The following ABLIM2 variants were observed in gnomAD, a reference collection of about 807,000 sequenced individuals.
The protein encoded by ABLIM2 is actin binding LIM protein family member 2, also known as actin-binding LIM protein 2.
A neutral mutation model predicts 97.7 loss-of-function variants in ABLIM2; 53 were observed. The observed-to-expected ratio is 0.54, with a 90% CI of 0.44 to 0.68. The LOEUF (loss-of-function observed/expected upper bound fraction) is 0.68. Ranked by LOEUF, ABLIM2 falls within the 30% of genes least tolerant of loss-of-function variation. ABLIM2 has a pLI of 0.00. For missense variants in ABLIM2, 835 were observed against 867.2 expected, an observed-to-expected ratio of 0.96 and a Z score of 0.47; for synonymous variants, 361 against 345.8, an observed-to-expected ratio of 1.04 and a Z score of -0.49.
In ABLIM2 at chr4:8,150,900, G is replaced by C. The variant is rs191947314; in HGVS notation, c.10+7780C>G. On this transcript the variant is annotated intron_variant, in intron 1 of 20. Transcript: ENST00000447017. This position sits in a 1 kb window ranked among gnomAD's most constrained non-coding sequence, Gnocchi z 6.3. ...GGGTGTGGCTGATGATGCCAAAGCGGCTCCCACGGGGCACGACGTCAGGTT... is the reference window on the plus strand; with the variant it reads ...GGGTGTGGCTGATGATGCCAAAGCGCCTCCCACGGGGCACGACGTCAGGTT... 6.6e-6 allele frequency among the ~76,000 whole-genome samples: 1 copy of C among 152,118 alleles called. No individual in the cohort carries two copies. The highest frequency in any genetic ancestry group is 1.5e-5 in the Non-Finnish European group (1 of 68,022).
chr4:8,027,696 GCA>G, intron 12 of ABLIM2, 61 bp downstream of exon 12: 1 of 1,323,078 alleles, frequency 7.6e-7, no homozygotes, highest in African/African-American at 1.5e-5. Flanking sequence ...TGGACAGCGA[GCA>G]CACAGACGCC....
At chr4:7,995,194 C>A (rs1480290539) in intron 16 of ABLIM2, among the ~76,000 whole-genome samples, 1 of 152,248 alleles carries the variant, frequency 6.6e-6, no homozygotes, top group African/African-American at 2.4e-5. Context: ...AAGACCTGTC[C>A]TGGGTCCCTA....
At chr4:8,037,267 T>C (rs191825969) in intron 9 of ABLIM2, among the ~76,000 whole-genome samples, 1 of 151,636 alleles carries the variant, frequency 6.6e-6, no homozygotes, top group Admixed American at 6.6e-5. Context: ...TACCTACACA[T>C]ACATGTGCAC....
In ABLIM2 at chr4:7,973,075, CTGTGTG is replaced by C. The variant is rs71175444; in HGVS notation, c.1825-5978_1825-5973del. 3.0e-4 allele frequency among the ~76,000 whole-genome samples: 37 copies of C among 124,062 alleles called. 1 individual carries two copies. Among genetic ancestry groups the C allele is most frequent in the Non-Finnish European group, 2.1e-4 (12 of 58,260 alleles). The allele number at this position is 124,062 out of a possible 152,430, so 81.4% of individuals were successfully genotyped here. The stretch of plus-strand genomic sequence containing the variant: ...CTCCAGCAATGAGCTGCTCCCCTTG[CTGTGTG>C]TGTGTGTGTGTGTGTGTGTGTGTGT... On this transcript the variant is annotated intron_variant, in intron 20 of 20. Transcript: ENST00000447017.
At position 7,992,222 on chromosome 4, in the gene ABLIM2, G is replaced by A. The variant is rs1428429856; in HGVS notation, c.1680+644C>T. Among the ~76,000 whole-genome samples the A allele has an allele frequency of 6.6e-6, 1 of 152,124 alleles. No individual in the cohort carries two copies. The highest frequency in any genetic ancestry group is 1.5e-5 in the Non-Finnish European group (1 of 68,018). Reference sequence around the variant, plus strand: ...GGCGTTCACTGTCCTGGGGCACAGGGCCTGGCCCCTCTGCAAGGCAATCAG... The same window carrying A: ...GGCGTTCACTGTCCTGGGGCACAGGACCTGGCCCCTCTGCAAGGCAATCAG... On this transcript the variant is annotated intron_variant, in intron 17 of 20. Coordinates refer to ENST00000447017, the MANE Select transcript of ABLIM2 (RefSeq NM_001130083.2). The surrounding 1 kb of genome is among the most constrained non-coding windows in gnomAD (Gnocchi z 5.7).
chr4:8,099,785 C>T (rs775753840), intron 2 of ABLIM2, among the ~76,000 whole-genome samples: 7 of 152,126 alleles, frequency 4.6e-5, no homozygotes, highest in Non-Finnish European at 8.8e-5. Context: ...GCGGAGCTTG[C>T]AGTGATCCGA....
intron 8 of ABLIM2, among the ~76,000 whole-genome samples, chr4:8,049,848 C>T (rs1202944349): frequency 6.6e-6 from 1 of 152,218 alleles, no homozygotes; most frequent in East Asian, 1.9e-4. Flanking sequence ...GTGCCTCAGC[C>T]ACCTGAATAG....
chr4:7,965,921 T>C lies in ABLIM2; in HGVS notation c.*1069A>G, dbSNP rs920346935. ...ACCGCCAGCCACAGCACAAGGACGG[T>C]GCATCAAGAGCTACGTCGGGTATTA... is the stretch of plus-strand genomic sequence containing the variant. On this transcript the variant is annotated 3_prime_UTR_variant, in exon 21 of 21. Coordinates refer to ENST00000447017, the MANE Select transcript of ABLIM2 (RefSeq NM_001130083.2). 1.3e-5 allele frequency: 2 copies of C among 152,180 alleles called. No homozygotes were observed. The highest frequency in any genetic ancestry group is 6.5e-5 in the Admixed American group (1 of 15,276). The allele number at this position is 152,180 out of a possible 1,614,324, so 9.4% of individuals were successfully genotyped here.
intron 17 of ABLIM2, among the ~76,000 whole-genome samples, chr4:7,985,538 C>A (rs1229834922): frequency 6.6e-6 from 1 of 152,164 alleles, no homozygotes; most frequent in East Asian, 1.9e-4. Context: ...GTCCATCCAC[C>A]CCAAATGCTC....
rs1727215286 is a variant in ABLIM2, at chr4:7,970,722, G to A, written c.1825-3619C>T. Among the ~76,000 whole-genome samples, 1 of 152,060 alleles carries A rather than the reference G, an allele frequency of 6.6e-6. No individual in the cohort carries two copies. Among genetic ancestry groups the A allele is most frequent in the African/African-American group, 2.4e-5 (1 of 41,412 alleles). ...AGGGAGCATCTGGGTGGCTTCTGAA[G>A]TTGCTGGGAATGGTTACCTTCTCTG... On this transcript the variant is annotated intron_variant, in intron 20 of 20. Coordinates refer to ENST00000447017, the MANE Select transcript of ABLIM2 (RefSeq NM_001130083.2). This position sits in a 1 kb window ranked among gnomAD's most constrained non-coding sequence, Gnocchi z 5.3.
In ABLIM2 at chr4:8,132,014, C is replaced by A. The variant is rs1578433689; in HGVS notation, c.11-25377G>T. Among the ~76,000 whole-genome samples, 1 of 152,134 alleles carries A rather than the reference C, an allele frequency of 6.6e-6. No individual in the cohort carries two copies. The highest frequency in any genetic ancestry group is 3.4e-3 in the Middle Eastern group (1 of 294). On this transcript the variant is annotated intron_variant, in intron 1 of 20. Coordinates refer to ENST00000447017, the MANE Select transcript of ABLIM2 (RefSeq NM_001130083.2). This position sits in a 1 kb window ranked among gnomAD's most constrained non-coding sequence, Gnocchi z 8.0. ...CATCCCCTGCACAGCAGCCCGCATCCCCTGCACGGCAGCCTGCATCCCCGA... is the reference window on the plus strand; with the variant it reads ...CATCCCCTGCACAGCAGCCCGCATCACCTGCACGGCAGCCTGCATCCCCGA...
intron 19 of ABLIM2, 78 bp from the exon 20 acceptor site, chr4:7,983,422 C>T (rs925495021): frequency 2.7e-5 from 42 of 1,577,982 alleles, no homozygotes; most frequent in East Asian, 9.1e-5. Flanking sequence ...AGAAGGTCAC[C>T]GAGAATACAT....
At chr4:7,993,354 C>T (rs764769985) in intron 16 of ABLIM2, among the ~76,000 whole-genome samples, 27 of 152,258 alleles carry the variant, frequency 1.8e-4, no homozygotes, top group Non-Finnish European at 3.7e-4. Context: ...GGAGGCCCAC[C>T]ACCAAGCACA....
chr4:7,976,810 T>A (rs1046518339), intron 20 of ABLIM2, among the ~76,000 whole-genome samples: 4 of 151,834 alleles, frequency 2.6e-5, no homozygotes, highest in Admixed American at 1.3e-4. Flanking sequence ...TACACATGTA[T>A]ACACACATAG....
rs576942793 is a variant in ABLIM2, at chr4:8,005,492, T to A, written c.1618+2567A>T. 1.9e-6 allele frequency: 1 copy of A among 523,054 alleles called. No homozygotes were observed. Among genetic ancestry groups the A allele is most frequent in the Non-Finnish European group, 3.9e-6 (1 of 256,598 alleles). The allele number at this position is 523,054 out of a possible 1,614,324, so 32.4% of individuals were successfully genotyped here. ...TTGTTCAGTAAAAGCTGTGTGCAAA[T>A]GGAACTGGTGCCCACGGACTCAGGT... is the stretch of plus-strand genomic sequence containing the variant. On this transcript the variant is annotated intron_variant, in intron 16 of 20. Coordinates refer to ENST00000447017, the MANE Select transcript of ABLIM2 (RefSeq NM_001130083.2). The surrounding 1 kb of genome is among the most constrained non-coding windows in gnomAD (Gnocchi z 4.9).
At chr4:8,008,502 C>A (rs976723228) in intron 15 of ABLIM2, among the ~76,000 whole-genome samples, 3 of 152,226 alleles carry the variant, frequency 2.0e-5, no homozygotes, top group East Asian at 1.9e-4. Context: ...AGAATGAGGG[C>A]TGCTGCCCAA....
intron 14 of ABLIM2, among the ~76,000 whole-genome samples, chr4:8,014,864 C>T (rs1767697970): frequency 1.3e-5 from 2 of 151,992 alleles, no homozygotes; most frequent in African/African-American, 4.8e-5. Flanking sequence ...GCCTTTGCCT[C>T]CCTCCCTCTC....
chr4:8,036,985 T>C (rs145799271), intron 9 of ABLIM2, among the ~76,000 whole-genome samples: 29 of 152,326 alleles, frequency 1.9e-4, no homozygotes, highest in Admixed American at 4.6e-4. Flanking sequence ...ATTATGTGGT[T>C]CTTGCCTGTA....
At chr4:7,973,409 G>A (rs772553793) in intron 20 of ABLIM2, among the ~76,000 whole-genome samples, 1 of 151,990 alleles carries the variant, frequency 6.6e-6, no homozygotes, top group Non-Finnish European at 1.5e-5. Flanking sequence ...GCTGAGGCAG[G>A]AGAATCACTT....
Sources: gnomAD v4.1 joint callset for allele counts (sites outside exome capture counted in the v4.1 genomes callset) on GRCh38, gnomAD v4.1.1 for gene constraint, Gnocchi (gnomAD v3.1) non-coding constraint, MANE v1.5 for transcripts, NCBI Gene and HGNC (gene_info 2026-07-23, HGNC 2026-07-21) for gene names.